BCAS3: variants seen among roughly 807,000 people sequenced by gnomAD.
The protein encoded by BCAS3 is BCAS4/BCAS3 fusion.
Under a neutral mutation model 116.1 loss-of-function variants are expected in BCAS3, and 53 were observed. The observed-to-expected ratio is 0.46, with a 90% CI of 0.37 to 0.57. The LOEUF (loss-of-function observed/expected upper bound fraction) is 0.57. BCAS3 is among the 20% of genes least tolerant of loss of function. BCAS3 has a pLI of 0.00. For missense variants in BCAS3, 917 were observed against 1,165.4 expected (o/e 0.79, Z 3.10); for synonymous variants, 391 against 408.2 (o/e 0.96, Z 0.51).
intron 5 of BCAS3, among the ~76,000 whole-genome samples, chr17:60,740,093 C>T (rs575315808): frequency 3.3e-5 from 5 of 151,846 alleles, no homozygotes; most frequent in East Asian, 1.9e-4. Flanking sequence ...GCATTTATCC[C>T]GCATGCTGTT....
rs1463890096 is a variant in BCAS3, at chr17:60,879,525, A to G, written c.661+4787A>G. Among the ~76,000 whole-genome samples, 3 of 152,214 alleles carry G rather than the reference A, an allele frequency of 2.0e-5. No homozygotes were observed. In the East Asian group the frequency reaches 5.8e-4, roughly 29 times the overall value. ...ATATAAAGAAAAAGTCGCCTTGAGC[A>G]GCTGTCTGATGTGGAAATCCAAAAC... On this transcript the variant is annotated intron_variant, in intron 9 of 23. Coordinates refer to ENST00000407086, the MANE Select transcript of BCAS3 (RefSeq NM_017679.5).
chr17:61,297,462 C>T (rs889093171), intron 22 of BCAS3, among the ~76,000 whole-genome samples: 4 of 152,054 alleles, frequency 2.6e-5, no homozygotes, highest in Admixed American at 6.6e-5. Flanking sequence ...GAGATGGGCA[C>T]GTGAAAACTC....
rs2066896004 is a variant in BCAS3, at chr17:61,034,846, A to G, written c.1762+56A>G. On this transcript the variant is annotated intron_variant, in intron 17 of 23. Coordinates refer to ENST00000407086, the MANE Select transcript of BCAS3 (RefSeq NM_017679.5). The surrounding 1 kb of genome is among the most constrained non-coding windows in gnomAD (Gnocchi z 5.0). ...TATTTGTAATTTTTGCTTCTTAAGG[A>G]AAATTTTTAGCAGTTTCCCTAGAAT... 1 of 1,528,238 alleles carries G rather than the reference A, an allele frequency of 6.5e-7. No individual in the cohort carries two copies. The highest frequency in any genetic ancestry group is 1.4e-5 in the African/African-American group (1 of 71,068). The allele number at this position is 1,528,238 out of a possible 1,614,324, so 94.7% of individuals were successfully genotyped here.
At chr17:60,820,004 A>T (rs2049789131) in intron 7 of BCAS3, among the ~76,000 whole-genome samples, 1 of 152,140 alleles carries the variant, frequency 6.6e-6, no homozygotes, top group African/African-American at 2.4e-5. Context: ...GGTTAGCAAC[A>T]GGAACTGTGG....
Position 60,886,400 on chromosome 17 carries a change from G to A in BCAS3, c.662-3295G>A, listed in dbSNP as rs901382031. 11 of 151,484 alleles carry A rather than the reference G, an allele frequency of 7.3e-5. No individual in the cohort carries two copies. The South Asian group carries it at 1.0e-3, about 14-fold the overall frequency. The allele number at this position is 151,484 out of a possible 1,614,324, so 9.4% of individuals were successfully genotyped here. A position where few individuals can be genotyped will look rare whatever the true frequency, so the allele number is the denominator to read the frequency against. ...TTGCCTTTGGTTTGAATGTCCTCCC[G>A]TAGCTCAGAGTAATTCGATCGTCTG... On this transcript the variant is annotated intron_variant, in intron 9 of 23. Coordinates refer to ENST00000407086, the MANE Select transcript of BCAS3 (RefSeq NM_017679.5).
At position 61,181,215 on chromosome 17, in the gene BCAS3, A is replaced by G. The variant is rs1388795418; in HGVS notation, c.2425+96651A>G. Among the ~76,000 whole-genome samples the G allele has an allele frequency of 1.3e-5, 2 of 152,160 alleles. No homozygotes were observed. Among genetic ancestry groups the G allele is most frequent in the African/African-American group, 4.8e-5 (2 of 41,452 alleles). On this transcript the variant is annotated intron_variant, in intron 22 of 23. Coordinates refer to ENST00000407086, the MANE Select transcript of BCAS3 (RefSeq NM_017679.5). This position sits in a 1 kb window ranked among gnomAD's most constrained non-coding sequence, Gnocchi z 5.0. ...ATCCTGGGCAAAAGAGCAAACAAACAGTTTAATTAATTAATTGGTATGACT... is the reference window on the plus strand; with the variant it reads ...ATCCTGGGCAAAAGAGCAAACAAACGGTTTAATTAATTAATTGGTATGACT...
intron 6 of BCAS3, among the ~76,000 whole-genome samples, chr17:60,777,923 C>T (rs562441325): frequency 1.3e-5 from 2 of 152,126 alleles, no homozygotes; most frequent in Non-Finnish European, 2.9e-5. Context: ...ATTTTTATCT[C>T]ATAGTTTTCT....
At chr17:61,267,753 A>G (rs558276781) in intron 22 of BCAS3, among the ~76,000 whole-genome samples, 13 of 151,992 alleles carry the variant, frequency 8.6e-5, no homozygotes, top group Admixed American at 3.3e-4. Flanking sequence ...GAAAAGAAGA[A>G]AGGTGGCAAG....
intron 22 of BCAS3, among the ~76,000 whole-genome samples, chr17:61,301,235 C>T (rs548370924): frequency 6.6e-6 from 1 of 152,338 alleles, no homozygotes; most frequent in East Asian, 1.9e-4. Flanking sequence ...TAGCTGGCCT[C>T]ATGTCATATG....
Position 61,282,561 on chromosome 17 carries a change from G to T in BCAS3, c.2426-85766G>T, listed in dbSNP as rs796979145. Among the ~76,000 whole-genome samples the T allele has an allele frequency of 6.6e-6, 1 of 152,214 alleles. No individual in the cohort carries two copies. The highest frequency in any genetic ancestry group is 1.5e-5 in the Non-Finnish European group (1 of 68,040). ...TACTCTTAGACAGATGTGACTTCCTGTGTCAGCGAGGGAGGCTCCAAGGAC... is the reference window on the plus strand; with the variant it reads ...TACTCTTAGACAGATGTGACTTCCTTTGTCAGCGAGGGAGGCTCCAAGGAC... On this transcript the variant is annotated intron_variant, in intron 22 of 23. Transcript: ENST00000407086. This position sits in a 1 kb window ranked among gnomAD's most constrained non-coding sequence, Gnocchi z 5.9.
intron 15 of BCAS3, among the ~76,000 whole-genome samples, chr17:61,009,413 T>G (rs957537813): frequency 6.6e-6 from 1 of 152,078 alleles, no homozygotes; most frequent in African/African-American, 2.4e-5. Context: ...CTAAAGAATC[T>G]TTCTTTGTCC....
rs2064864046 is a variant in BCAS3 at position 61,008,341 on chromosome 17, C to T, written c.1487-7410C>T. Among the ~76,000 whole-genome samples the T allele has an allele frequency of 6.6e-6, 1 of 152,068 alleles. No individual in the cohort carries two copies. Among genetic ancestry groups the T allele is most frequent in the Non-Finnish European group, 1.5e-5 (1 of 67,974 alleles). Reference sequence around the variant, plus strand: ...AGATGGAGAGAGAGACACACACTCCCATCCCAACCAAAAATAACCCACCTG... The same window carrying T: ...AGATGGAGAGAGAGACACACACTCCTATCCCAACCAAAAATAACCCACCTG... On this transcript the variant is annotated intron_variant, in intron 15 of 23. Coordinates refer to ENST00000407086, the MANE Select transcript of BCAS3 (RefSeq NM_017679.5). The surrounding 1 kb of genome is among the most constrained non-coding windows in gnomAD (Gnocchi z 4.6).
intron 14 of BCAS3, among the ~76,000 whole-genome samples, chr17:60,988,519 A>G (rs1372338944): frequency 3.3e-5 from 5 of 151,612 alleles, no homozygotes; most frequent in Non-Finnish European, 4.4e-5. Flanking sequence ...CAGTGAAGCC[A>G]TTGGTCCTGG....
At chr17:60,760,939 A>G (rs1256216873) in intron 6 of BCAS3, among the ~76,000 whole-genome samples, 1 of 151,970 alleles carries the variant, frequency 6.6e-6, no homozygotes, top group Admixed American at 6.6e-5. Flanking sequence ...TGACTGGATT[A>G]TTTCAAAAGA....
rs750321035 is a variant in BCAS3, at chr17:60,889,744, C to A, written c.711C>A (p.Ser237Arg). The change falls in exon 10 of 24, where the codon AGC becomes AGA. Residue 237 changes from serine (S) to arginine (R), a missense_variant. Ser to Arg is a moderately radical substitution (Grantham distance 110). This residue lies in a region of BCAS3 where 807 missense variants were observed against 1,026.0 expected (regional missense o/e 0.79). Transcript: ENST00000407086. ...GPNMNPIALG[S>R]RWLAYAENKL... Reference sequence around the variant, plus strand: ...ACATGAATCCTATTGCTCTTGGGAGCCGCTGGCTTGCTTATGCAGAAAACA... The same window carrying A: ...ACATGAATCCTATTGCTCTTGGGAGACGCTGGCTTGCTTATGCAGAAAACA... The A allele has an allele frequency of 1.2e-6, 2 of 1,613,104 alleles. No individual in the cohort carries two copies. The highest frequency in any genetic ancestry group is 1.7e-6 in the Non-Finnish European group (2 of 1,179,892).
intron 14 of BCAS3, among the ~76,000 whole-genome samples, chr17:60,963,149 A>T (rs1372460056): frequency 2.0e-5 from 3 of 152,144 alleles, no homozygotes; most frequent in Non-Finnish European, 2.9e-5. Context: ...TACCTGTAGT[A>T]AATTTTGAAG....
At chr17:60,854,387 G>T (rs1348878938) in intron 7 of BCAS3, among the ~76,000 whole-genome samples, 1 of 152,150 alleles carries the variant, frequency 6.6e-6, no homozygotes, top group East Asian at 1.9e-4. Flanking sequence ...ATAGCAGTAT[G>T]ATTTATAATC....
chr17:60,694,374 G>A (rs1014393707), intron 4 of BCAS3, among the ~76,000 whole-genome samples: 3 of 151,836 alleles, frequency 2.0e-5, no homozygotes, highest in Admixed American at 2.0e-4. Flanking sequence ...GGTGGCATGC[G>A]CCTGTAGTCA....
At position 61,145,011 on chromosome 17, in the gene BCAS3, C is replaced by T. The variant is rs549425505; in HGVS notation, c.2425+60447C>T. ...TCCTTATCAGAAATATTCATTTAGA[C>T]CATAACAACTGTTAGAACAAGATAA... On this transcript the variant is annotated intron_variant, in intron 22 of 23. Transcript: ENST00000407086. The surrounding 1 kb of genome is among the most constrained non-coding windows in gnomAD (Gnocchi z 5.0). Among the ~76,000 whole-genome samples, 3 of 152,266 alleles carry T rather than the reference C, an allele frequency of 2.0e-5. No homozygotes were observed. Among genetic ancestry groups the T allele is most frequent in the African/African-American group, 4.8e-5 (2 of 41,562 alleles).
Sources: allele counts gnomAD v4.1 joint callset (sites outside exome capture counted in the v4.1 genomes callset), GRCh38; gene constraint gnomAD v4.1.1; regional missense constraint gnomAD v4.1.1; non-coding constraint Gnocchi (gnomAD v3.1); transcripts MANE v1.5; gene names NCBI Gene and HGNC (gene_info 2026-07-23, HGNC 2026-07-21).